The following SPMAP2L variants were observed in gnomAD, a reference collection of about 807,000 sequenced individuals.
SPMAP2L encodes sperm microtubule associated protein 2 like, also known as sperm microtubule associated protein 2-like.
At chr4:56,565,394 T>C in the SPMAP2L span, among the ~76,000 whole-genome samples, 1 of 152,154 alleles carries the variant, frequency 6.6e-6, no homozygotes, top group Non-Finnish European at 1.5e-5. Flanking sequence ...GCATCCCTAA[T>C]AAAAAAATCT....
At chr4:56,564,793 C>G in the SPMAP2L span, among the ~76,000 whole-genome samples, 1 of 152,050 alleles carries the variant, frequency 6.6e-6, no homozygotes, top group African/African-American at 2.4e-5. Flanking sequence ...TTTTCTGATA[C>G]AGTCATTAGT....
chr4:56,591,713 T>C, the SPMAP2L span, among the ~76,000 whole-genome samples: 1 of 152,242 alleles, frequency 6.6e-6, no homozygotes, highest in South Asian at 2.1e-4. Context: ...AGCTTTGATT[T>C]TGAATACAAG....
At chr4:56,592,174 T>C in the SPMAP2L span, among the ~76,000 whole-genome samples, 1 of 152,198 alleles carries the variant, frequency 6.6e-6, no homozygotes, top group Non-Finnish European at 1.5e-5. Context: ...ATCTAGGTTG[T>C]GCTCTCCTTA....
At chr4:56,543,895 A>T in the SPMAP2L span, among the ~76,000 whole-genome samples, 2,575 of 109,384 alleles carry the variant, frequency 0.024, 52 homozygotes, top group South Asian at 0.063. Context: ...AGAGAGAGAG[A>T]GTGTGTGTGT....
chr4:56,599,440 T>C, the SPMAP2L span, among the ~76,000 whole-genome samples: 1 of 152,202 alleles, frequency 6.6e-6, no homozygotes, highest in Non-Finnish European at 1.5e-5. Flanking sequence ...TGTGCAGATT[T>C]GTTACATAGG....
At chr4:56,572,360 T>C in the SPMAP2L span, among the ~76,000 whole-genome samples, 1 of 152,204 alleles carries the variant, frequency 6.6e-6, no homozygotes, top group Non-Finnish European at 1.5e-5. Context: ...GTATAATTGT[T>C]GTATAGGTGG....
the SPMAP2L span, chr4:56,601,031 C>A: frequency 6.5e-7 from 1 of 1,535,238 alleles, no homozygotes. Context: ...GACCGTGATG[C>A]CCATTGGCCA....
chr4:56,541,375 T>C, the SPMAP2L span, among the ~76,000 whole-genome samples: 3 of 152,184 alleles, frequency 2.0e-5, no homozygotes, highest in Admixed American at 2.0e-4. Context: ...TAATGTCAGA[T>C]TTCATGGAAA....
chr4:56,597,379 C>T, the SPMAP2L span, among the ~76,000 whole-genome samples: 1 of 152,314 alleles, frequency 6.6e-6, no homozygotes, highest in East Asian at 1.9e-4. Flanking sequence ...GCTTCCCTCC[C>T]TCTTCATCCT....
At chr4:56,593,517 C>G in the SPMAP2L span, 1 of 1,599,010 alleles carries the variant, frequency 6.3e-7, no homozygotes, top group South Asian at 1.1e-5. Flanking sequence ...AGAGTGGGAG[C>G]CTGGCCTGCT....
At chr4:56,555,008 C>T in the SPMAP2L span, among the ~76,000 whole-genome samples, 13 of 146,870 alleles carry the variant, frequency 8.9e-5, no homozygotes, top group East Asian at 4.0e-4. Context: ...GGTGCAATCT[C>T]GGCTCACTGT....
the SPMAP2L span, among the ~76,000 whole-genome samples, chr4:56,558,056 C>A: frequency 1.3e-5 from 2 of 152,044 alleles, no homozygotes; most frequent in Admixed American, 1.3e-4. Flanking sequence ...GCAATCTCCA[C>A]CTCCCAGTTC....
the SPMAP2L span, chr4:56,596,400 G>T: frequency 1.3e-5 from 16 of 1,262,236 alleles, no homozygotes; most frequent in Admixed American, 3.5e-4. Flanking sequence ...CTGGAGTGTT[G>T]AGAAGTCTGG....
At chr4:56,600,097 C>CTTTTTTTTTCTTTTTTTTTTTTTTTT in the SPMAP2L span, among the ~76,000 whole-genome samples, 1 of 87,782 alleles carries the variant, frequency 1.1e-5, no homozygotes, top group African/African-American at 5.1e-5. Flanking sequence ...TCTTTGCTTT[C>CTTTTTTTTTCTTTTTTTTTTTTTTTT]TTTTTTTTTT....
chr4:56,571,859 A>T, the SPMAP2L span, among the ~76,000 whole-genome samples: 3 of 152,098 alleles, frequency 2.0e-5, no homozygotes, highest in Non-Finnish European at 4.4e-5. Flanking sequence ...GAAGGTACAA[A>T]CAAACATTAG....
chr4:56,620,615 C>G, the SPMAP2L span, among the ~76,000 whole-genome samples: 2 of 152,168 alleles, frequency 1.3e-5, no homozygotes, highest in Non-Finnish European at 2.9e-5. Flanking sequence ...GAACTCCCAA[C>G]CTCAGGTGAT....
the SPMAP2L span, chr4:56,596,689 T>C: frequency 2.1e-6 from 3 of 1,437,184 alleles, no homozygotes; most frequent in African/African-American, 2.9e-5. Context: ...CTTAGGATGC[T>C]ATTTTGCCTC....
At chr4:56,610,891 T>C in the SPMAP2L span, among the ~76,000 whole-genome samples, 6 of 152,070 alleles carry the variant, frequency 3.9e-5, no homozygotes, top group Non-Finnish European at 8.8e-5. Context: ...AAAACCACAA[T>C]GCGATACCAC....
chr4:56,559,436 A>G, the SPMAP2L span: 1 of 1,530,854 alleles, frequency 6.5e-7, no homozygotes, highest in South Asian at 1.2e-5. Flanking sequence ...CCTGTTTCCC[A>G]GGGTGCTTTG....
Sources: gnomAD v4.1 joint callset for allele counts (sites outside exome capture counted in the v4.1 genomes callset) on GRCh38, gnomAD v4.1.1 for gene constraint, MANE v1.5 for transcripts, NCBI Gene and HGNC (gene_info 2026-07-23, HGNC 2026-07-21) for gene names.